UBE3D: variants seen among roughly 807,000 people sequenced by gnomAD.
The protein encoded by UBE3D is E3 ubiquitin-protein ligase E3D.
In UBE3D, 48 loss-of-function variants were observed where a neutral mutation model predicts 49.6. The observed-to-expected ratio is 0.97, with a 90% CI of 0.77 to 1.23. UBE3D has a LOEUF of 1.23. UBE3D is among the 50% of genes most tolerant of loss of function. The probability of loss-of-function intolerance (pLI) is 0.00; values close to 1 mark genes in which losing one functional copy is unlikely to be tolerated. For missense variants in UBE3D, 452 were observed against 468.4 expected, an observed-to-expected ratio of 0.96 and a Z score of 0.32; for synonymous variants, 189 against 174.2, an observed-to-expected ratio of 1.08 and a Z score of -0.67.
chr6:83,049,414 T>C (rs1402167925), intron 3 of UBE3D, among the ~76,000 whole-genome samples: 1 of 152,202 alleles, frequency 6.6e-6, no homozygotes, highest in Non-Finnish European at 1.5e-5. Context: ...TTTAATATTA[T>C]TACGTACATA....
At chr6:83,018,232 G>T (rs1780831043) in intron 8 of UBE3D, 1 of 152,142 alleles carries the variant, frequency 6.6e-6, no homozygotes, top group African/African-American at 2.4e-5. Flanking sequence ...CTTTGATTCT[G>T]TTACAATTAA....
intron 5 of UBE3D, 103 bp downstream of exon 5, chr6:83,038,313 C>G: frequency 1.1e-6 from 1 of 933,190 alleles, no homozygotes; most frequent in East Asian, 2.7e-5. Context: ...AATTCCACAA[C>G]ATATATTAAT....
intron 9 of UBE3D, among the ~76,000 whole-genome samples, chr6:82,917,532 G>A (rs1486027830): frequency 6.6e-6 from 1 of 152,238 alleles, no homozygotes; most frequent in Non-Finnish European, 1.5e-5. Context: ...TTCCTAAGAG[G>A]CATGCAGGTG....
chr6:82,939,943 G>A (rs1774884550), intron 9 of UBE3D, among the ~76,000 whole-genome samples: 1 of 152,142 alleles, frequency 6.6e-6, no homozygotes, highest in African/African-American at 2.4e-5. Context: ...AGTCCCATCA[G>A]ACCTCCCCTA....
At chr6:83,035,467 G>A (rs1300391694) in intron 5 of UBE3D, among the ~76,000 whole-genome samples, 2 of 152,200 alleles carry the variant, frequency 1.3e-5, no homozygotes, top group South Asian at 2.1e-4. Flanking sequence ...ATATTTGACT[G>A]ATAGCTCGAC....
chr6:83,018,853 T>A, intron 8 of UBE3D, 120 bp downstream of exon 8: 1 of 1,073,978 alleles, frequency 9.3e-7, no homozygotes, highest in Non-Finnish European at 1.4e-6. Context: ...CAGTATTGGC[T>A]CCTAGAAGCT....
At chr6:83,007,391 A>G (rs1371979871) in intron 8 of UBE3D, among the ~76,000 whole-genome samples, 1 of 152,200 alleles carries the variant, frequency 6.6e-6, no homozygotes, top group Non-Finnish European at 1.5e-5. Context: ...TGTAACTTAC[A>G]AAGTGAAGAG....
chr6:82,914,432 T>C (rs1438323208), intron 9 of UBE3D, among the ~76,000 whole-genome samples: 3 of 152,146 alleles, frequency 2.0e-5, no homozygotes, highest in Non-Finnish European at 2.9e-5. Flanking sequence ...CCAGAGCAAT[T>C]AGACCAGTGG....
chr6:83,025,676 C>A (rs531359480), intron 5 of UBE3D, among the ~76,000 whole-genome samples: 1 of 151,620 alleles, frequency 6.6e-6, no homozygotes, highest in East Asian at 2.0e-4. Context: ...TGGGGTCAGG[C>A]GTTTGAGACC....
chr6:82,984,484 AT>A (rs1778324980), intron 8 of UBE3D, among the ~76,000 whole-genome samples: 1 of 152,192 alleles, frequency 6.6e-6, no homozygotes, highest in Non-Finnish European at 1.5e-5. Context: ...ATTTCCCTCC[AT>A]AAAGATTGTA....
At chr6:82,924,887 C>A (rs746857601) in intron 9 of UBE3D, 5 of 152,142 alleles carry the variant, frequency 3.3e-5, no homozygotes, top group Non-Finnish European at 7.4e-5. Flanking sequence ...TCATGCTTTT[C>A]CTAAGATATG....
intron 9 of UBE3D, among the ~76,000 whole-genome samples, chr6:82,955,218 G>A (rs1037554382): frequency 6.6e-6 from 1 of 152,078 alleles, no homozygotes; most frequent in African/African-American, 2.4e-5. Flanking sequence ...ATATAGATTG[G>A]TCTTCCTCCC....
At chr6:82,905,523 C>T (rs1200175309) in intron 9 of UBE3D, among the ~76,000 whole-genome samples, 1 of 152,122 alleles carries the variant, frequency 6.6e-6, no homozygotes, top group Non-Finnish European at 1.5e-5. Flanking sequence ...TAACATCTCA[C>T]ACAAAACAAT....
At chr6:82,884,657 T>C in the UBE3D span, among the ~76,000 whole-genome samples, 1 of 152,216 alleles carries the variant, frequency 6.6e-6, no homozygotes. Flanking sequence ...CTCACTTATC[T>C]GAAATTTAGT....
chr6:83,048,514 C>G (rs1427118235), intron 3 of UBE3D, among the ~76,000 whole-genome samples: 1 of 152,090 alleles, frequency 6.6e-6, no homozygotes, highest in East Asian at 1.9e-4. Flanking sequence ...AATGTCAAAA[C>G]CCCCTACATG....
At chr6:82,999,984 TTTCTCC>T (rs1779509934) in intron 8 of UBE3D, among the ~76,000 whole-genome samples, 1 of 152,200 alleles carries the variant, frequency 6.6e-6, no homozygotes, top group Non-Finnish European at 1.5e-5. Context: ...GTTTGACTAC[TTTCTCC>T]TTCTTAAAGC....
At chr6:82,957,214 G>C in intron 9 of UBE3D, 98 bp downstream of exon 9, 3 of 1,229,794 alleles carry the variant, frequency 2.4e-6, no homozygotes, top group Non-Finnish European at 3.4e-6. Flanking sequence ...TGAAACTAGG[G>C]AATTCCACGG....
rs112083017 is a variant in UBE3D at position 83,041,023 on chromosome 6, C to T, written c.598-2538G>A. Among the ~76,000 whole-genome samples, 1,471 of 152,244 alleles carry T rather than the reference C, an allele frequency of 9.7e-3. 22 individuals are homozygous for T. Among genetic ancestry groups the T allele is most frequent in the African/African-American group, 0.034 (1,394 of 41,528 alleles). On this transcript the variant is annotated intron_variant, in intron 4 of 9. Coordinates refer to ENST00000369747, the MANE Select transcript of UBE3D (RefSeq NM_198920.3). ...ACAGTAAAACATACCTGCATGGCTC[C>T]AAGTTGATATTAAAAATATTTTTTA... is the stretch of plus-strand genomic sequence containing the variant.
chr6:82,959,717 C>CAAAAAAA (rs778278435), intron 8 of UBE3D, among the ~76,000 whole-genome samples: 1 of 37,716 alleles, frequency 2.7e-5, no homozygotes, highest in Non-Finnish European at 4.6e-5. Context: ...GTGAGACCTC[C>CAAAAAAA]AAAAAAAAAA....
Sources: gnomAD v4.1 joint callset for allele counts (sites outside exome capture counted in the v4.1 genomes callset) on GRCh38, gnomAD v4.1.1 for gene constraint, MANE v1.5 for transcripts, NCBI Gene and HGNC (gene_info 2026-07-23, HGNC 2026-07-21) for gene names.